Variants in PLA2G2F observed in about 807,000 individuals in gnomAD.
The protein encoded by PLA2G2F is phospholipase A2 group IIF, also known as group IIF secretory phospholipase A2.
In PLA2G2F, 17 loss-of-function variants were observed where a neutral mutation model predicts 15.9. The observed-to-expected ratio is 1.07, with a 90% confidence interval of 0.73 to 1.60. The LOEUF is 1.60. Ranked by LOEUF, PLA2G2F falls within the 40% of genes most tolerant of loss-of-function variation. The pLI, the probability that PLA2G2F is intolerant of heterozygous loss-of-function variation, is 0.00. For missense variants in PLA2G2F, 299 were observed against 278.2 expected (o/e 1.07, Z -0.53); for synonymous variants, 119 against 106.5 (o/e 1.12, Z -0.72).
chr1:20,141,452 G>GTGCATGTGTATGTA (rs1273109997), intron 2 of PLA2G2F: 1 of 152,722 alleles, frequency 6.5e-6, no homozygotes, highest in African/African-American at 2.4e-5. Context: ...GTGTATGCAA[G>GTGCATGTGTATGTA]TGCATGTGGT....
intron 4 of PLA2G2F, among the ~76,000 whole-genome samples, chr1:20,147,455 T>C (rs945112857): frequency 2.0e-5 from 3 of 151,900 alleles, no homozygotes; most frequent in African/African-American, 7.3e-5. Flanking sequence ...CCTCTTCTTT[T>C]TTTTTTTTTT....
chr1:20,139,415 C>A lies in PLA2G2F; in HGVS notation c.-13C>A. 1.9e-6 allele frequency: 3 copies of A among 1,548,474 alleles called. No individual in the cohort carries two copies. The highest frequency in any genetic ancestry group is 1.2e-5 in the South Asian group (1 of 84,032). On this transcript the variant is annotated 5_prime_UTR_variant, in exon 1 of 5. Transcript: ENST00000375102. ...TCTGAGACCTATGTTGCTGGCCCCCCAGAACCCGCAACATGGCAGATGGGG... is the reference window on the plus strand; with the variant it reads ...TCTGAGACCTATGTTGCTGGCCCCCAAGAACCCGCAACATGGCAGATGGGG...
chr1:20,144,677 G>A lies in PLA2G2F; in HGVS notation c.412G>A (p.Glu138Lys), dbSNP rs1232837999. The change falls in exon 4 of 5, where the codon GAG becomes AAG. Residue 138 changes from glutamate to lysine, a missense_variant. By Grantham distance (56) the Glu-to-Lys change is moderately conservative. Transcript: ENST00000375102. ...HYDHTIENNT[E>K]IVCSDLNKTE... ...TGATCACACCATCGAGAACAACACT[G>A]AGATAGTCTGCAGTGAGTCCCTCCC... is the stretch of plus-strand genomic sequence containing the variant. 1 of 1,605,042 alleles carries A rather than the reference G, an allele frequency of 6.2e-7. No homozygotes were observed. Among genetic ancestry groups the A allele is most frequent in the Non-Finnish European group, 8.5e-7 (1 of 1,175,172 alleles).
chr1:20,148,442 G>GTCCCCAAGCCAGACC lies in PLA2G2F; in HGVS notation c.*41_*42insTCCCCAAGCCAGACC. ...AGAGAGAGAGCGGGAGGAGGGTCTG[G>GTCCCCAAGCCAGACC]CTTGGGGACCAGACGAGGTGCAGGG... On this transcript the variant is annotated 3_prime_UTR_variant, in exon 5 of 5. Transcript: ENST00000375102. 1 of 1,548,934 alleles carries GTCCCCAAGCCAGACC rather than the reference G, an allele frequency of 6.5e-7. No individual in the cohort carries two copies. Among genetic ancestry groups the GTCCCCAAGCCAGACC allele is most frequent in the Non-Finnish European group, 8.9e-7 (1 of 1,124,930 alleles).
intron 3 of PLA2G2F, 112 bp downstream of exon 3, chr1:20,143,702 C>T: frequency 7.4e-7 from 1 of 1,353,082 alleles, no homozygotes; most frequent in Non-Finnish European, 1.0e-6. Flanking sequence ...CCCAAAGGAT[C>T]CAGCTTCTTT....
Position 20,140,679 on chromosome 1 carries a change from G to C in PLA2G2F, c.169+461G>C, listed in dbSNP as rs543282120. On this transcript the variant is annotated intron_variant, in intron 2 of 4. Transcript: ENST00000375102. ...AGCCCATTTGTGTCTCTTTGTGTGA[G>C]TGTGTGTTAATTGGGGTGTGTGTCT... The C allele has an allele frequency of 4.8e-5, 8 of 168,198 alleles. No homozygotes were observed. In the South Asian group the frequency reaches 1.2e-3, roughly 26 times the overall value. 10.4% of individuals were successfully genotyped at this position (168,198 alleles called of 1,614,324 possible).
intron 2 of PLA2G2F, chr1:20,141,986 A>G (rs550560012): frequency 6.6e-6 from 1 of 152,312 alleles, no homozygotes; most frequent in East Asian, 1.9e-4. Context: ...TGCTCTTCCC[A>G]CTAAGGCACA....
At chr1:20,144,760 GGT>G in intron 4 of PLA2G2F, 71 bp downstream of exon 4, 2 of 1,304,908 alleles carry the variant, frequency 1.5e-6, no homozygotes, top group Non-Finnish European at 2.2e-6. Context: ...GTGCTGGGAT[GGT>G]GGACAGGCTT....
chr1:20,150,007 G>GA lies in PLA2G2F; in HGVS notation c.*1612dup, dbSNP rs58406852. 9,711 of 150,902 alleles carry GA rather than the reference G, an allele frequency of 0.064. 813 individuals carry two copies. Among genetic ancestry groups the GA allele is most frequent in the African/African-American group, 0.2 (8,107 of 40,348 alleles). The allele number at this position is 150,902 out of a possible 1,614,324, so 9.3% of individuals were successfully genotyped here. ...AGAAGGAGGCAGAAGGGACATGTAT[G>GA]AAAAAAGGACAGGAAACCTGACCAG... On this transcript the variant is annotated 3_prime_UTR_variant, in exon 5 of 5. Coordinates refer to ENST00000375102, the MANE Select transcript of PLA2G2F (RefSeq NM_022819.4).
chr1:20,140,355 C>A, intron 2 of PLA2G2F, 137 bp downstream of exon 2: 1 of 921,938 alleles, frequency 1.1e-6, no homozygotes, highest in Non-Finnish European at 1.6e-6. Flanking sequence ...CTTGTCTCAG[C>A]CCAGCAGGCT....
rs1361120700 is a variant in PLA2G2F at position 20,149,686 on chromosome 1, G to T, written c.*1285G>T. On this transcript the variant is annotated 3_prime_UTR_variant, in exon 5 of 5. Coordinates refer to ENST00000375102, the MANE Select transcript of PLA2G2F (RefSeq NM_022819.4). ...GGACGGGCCTCCAGGCAACACAGAGGAGCTGGGGGCCAGGGCCTTACGGGG... is the reference window on the plus strand; with the variant it reads ...GGACGGGCCTCCAGGCAACACAGAGTAGCTGGGGGCCAGGGCCTTACGGGG... 1.3e-5 allele frequency: 2 copies of T among 152,784 alleles called. No homozygotes were observed. The highest frequency in any genetic ancestry group is 2.9e-5 in the Non-Finnish European group (2 of 68,532). 9.5% of individuals were successfully genotyped at this position (152,784 alleles called of 1,614,324 possible). A position where few individuals can be genotyped will look rare whatever the true frequency, so the allele number is the denominator to read the frequency against.
chr1:20,140,489 T>A, intron 2 of PLA2G2F: 1 of 470,646 alleles, frequency 2.1e-6, no homozygotes, highest in East Asian at 3.8e-5. Context: ...GGCATTTGTG[T>A]ACCTGAATGT....
chr1:20,144,819 G>A (rs1557777209), intron 4 of PLA2G2F, 130 bp downstream of exon 4: 8 of 758,020 alleles, frequency 1.1e-5, no homozygotes, highest in South Asian at 1.7e-5. Context: ...GCTCATGCCT[G>A]TAATCCCAGC....
chr1:20,143,324 C>T (rs997643055), intron 2 of PLA2G2F, 122 bp from the exon 3 acceptor site: 7 of 1,316,600 alleles, frequency 5.3e-6, no homozygotes, highest in Non-Finnish European at 7.3e-6. Context: ...CTGCTTTCTC[C>T]TTCCTTCTCC....
rs151180620 is a variant in PLA2G2F, at chr1:20,147,338, T to C, written c.425-852T>C. On this transcript the variant is annotated intron_variant, in intron 4 of 4. Transcript: ENST00000375102. ...AAATCTACTAATTATAACAACAGCA[T>C]AGGGACAAACAACAGTAGCATTTGC... Among the ~76,000 whole-genome samples, 68 of 152,316 alleles carry C rather than the reference T, an allele frequency of 4.5e-4. 1 individual carries two copies. Among genetic ancestry groups the C allele is most frequent in the Middle Eastern group, 3.4e-3 (1 of 294 alleles).
At position 20,144,615 on chromosome 1, in the gene PLA2G2F, T is replaced by C; in HGVS notation, c.350T>C (p.Leu117Pro). ...CHAHDCCYQE[L>P]FDQGCHPYVD... ...GCCCACGACTGCTGCTACCAGGAAC[T>C]CTTTGACCAAGGCTGTCACCCCTAT... The change falls in exon 4 of 5, where the codon CTC (leucine) becomes CCC (proline). Residue 117 changes from leucine to proline, a missense_variant. Physicochemically the swap from Leu to Pro is moderately conservative, Grantham distance 98. Coordinates refer to ENST00000375102, the MANE Select transcript of PLA2G2F (RefSeq NM_022819.4). 1 of 1,612,494 alleles carries C rather than the reference T, an allele frequency of 6.2e-7. No homozygotes were observed. Among genetic ancestry groups the C allele is most frequent in the African/African-American group, 1.3e-5 (1 of 75,024 alleles).
intron 2 of PLA2G2F, chr1:20,140,926 G>C (rs2017451669): frequency 6.6e-6 from 1 of 152,214 alleles, no homozygotes. Context: ...TTATGTGGCA[G>C]GTGTCCCAGC....
In PLA2G2F at chr1:20,148,303, TACTGCC is replaced by T; in HGVS notation, c.540_545del (p.Tyr180_Gln182delinsTer). 1 of 1,613,922 alleles carries T rather than the reference TACTGCC, an allele frequency of 6.2e-7. No individual in the cohort carries two copies. On this transcript the variant is annotated stop_gained and inframe_deletion, in exon 5 of 5. Transcript: ENST00000375102. LOFTEE classifies it low-confidence loss of function (END_TRUNC). ...GGAGTACCGTGGCTTCCTCAATGTC[TACTGCC>T]AGGGCCCCACGCCCAACTGCAGCAT...
At chr1:20,141,961 T>A (rs2017483070) in intron 2 of PLA2G2F, 1 of 152,262 alleles carries the variant, frequency 6.6e-6, no homozygotes, top group African/African-American at 2.4e-5. Flanking sequence ...TAGGTCTGTC[T>A]GACTCCAGAT....
Sources: allele counts gnomAD v4.1 joint callset (sites outside exome capture counted in the v4.1 genomes callset), GRCh38; gene constraint gnomAD v4.1.1; transcripts MANE v1.5; gene names NCBI Gene and HGNC (gene_info 2026-07-23, HGNC 2026-07-21).